The following MCTP2 variants were observed in gnomAD, a reference collection of about 807,000 sequenced individuals.
The protein encoded by MCTP2 is multiple C2 and transmembrane domain containing 2, also known as multiple C2 and transmembrane domain-containing protein 2.
A neutral mutation model predicts 111.6 loss-of-function variants in MCTP2; 132 were observed. The ratio of observed to expected loss-of-function variants is 1.18; its 90% CI spans 1.03 to 1.37. The LOEUF (loss-of-function observed/expected upper bound fraction) is 1.37. MCTP2 is among the 40% of genes most tolerant of loss of function. The pLI is 0.00. For synonymous variants in MCTP2, 395 were observed against 387.7 expected, an observed-to-expected ratio of 1.02 and a Z score of -0.22; for missense variants, 1,183 against 1,067.9, an observed-to-expected ratio of 1.11 and a Z score of -1.50.
intron 1 of MCTP2, among the ~76,000 whole-genome samples, chr15:94,237,440 A>ATTTT (rs34291691): frequency 6.8e-6 from 1 of 146,150 alleles, no homozygotes; most frequent in Non-Finnish European, 1.5e-5. Context: ...CTAAACTCGG[A>ATTTT]TTTTTTTTTT....
chr15:94,372,233 A>C (rs1265284399), intron 12 of MCTP2, among the ~76,000 whole-genome samples: 1 of 152,224 alleles, frequency 6.6e-6, no homozygotes, highest in Non-Finnish European at 1.5e-5. Flanking sequence ...TGTATTTATG[A>C]GAAAATTCTT....
rs776551679 is a variant in MCTP2, at chr15:94,367,623, G to A, written c.1320G>A (p.Ser440=). The A allele has an allele frequency of 9.9e-6, 16 of 1,610,472 alleles. No homozygotes were observed. Among genetic ancestry groups the A allele is most frequent in the South Asian group, 2.2e-5 (2 of 90,826 alleles). The change falls in exon 11 of 23, where the codon TCG becomes TCA. Residue 440 remains serine, a synonymous_variant. Transcript: ENST00000357742. ...TTTCTAGGTGTAAAGTGGATATCTC[G>A]GCACTCCCTCTGAAGCAAGCCAACT... The part of the protein sequence containing the change: ...ERLGTCKVDI[S]ALPLKQANCL...
intron 18 of MCTP2, among the ~76,000 whole-genome samples, chr15:94,441,771 C>G (rs1258939025): frequency 6.6e-6 from 1 of 152,194 alleles, no homozygotes; most frequent in African/African-American, 2.4e-5. Context: ...ATGTCCCAAG[C>G]TAAAGACTTC....
At chr15:94,394,123 A>G (rs1406093057) in intron 14 of MCTP2, among the ~76,000 whole-genome samples, 1 of 152,030 alleles carries the variant, frequency 6.6e-6, no homozygotes, top group Non-Finnish European at 1.5e-5. Context: ...GATTTATTCA[A>G]TTATGATCAT....
chr15:94,276,900 G>A (rs1470818162), intron 1 of MCTP2, among the ~76,000 whole-genome samples: 3 of 141,258 alleles, frequency 2.1e-5, no homozygotes, highest in Admixed American at 7.1e-5. Context: ...GGAATATTAC[G>A]AGGATGGTTA....
intron 17 of MCTP2, among the ~76,000 whole-genome samples, chr15:94,419,354 G>T (rs2082517837): frequency 6.6e-6 from 1 of 152,078 alleles, no homozygotes; most frequent in Admixed American, 6.6e-5. Context: ...AAAACAAATG[G>T]TTAAAGAATT....
At chr15:94,337,508 A>G (rs1002495684) in intron 4 of MCTP2, among the ~76,000 whole-genome samples, 5 of 148,596 alleles carry the variant, frequency 3.4e-5, no homozygotes, top group African/African-American at 5.0e-5. Context: ...TTTTATATAT[A>G]TATATCAGAA....
intron 1 of MCTP2, among the ~76,000 whole-genome samples, chr15:94,286,004 C>G (rs193176362): frequency 1.3e-5 from 2 of 152,232 alleles, no homozygotes; most frequent in Admixed American, 1.3e-4. Flanking sequence ...AAATGATTCT[C>G]CACCTGTAAT....
chr15:94,242,959 ACG>A (rs1491260644), intron 1 of MCTP2, among the ~76,000 whole-genome samples: 6 of 110,428 alleles, frequency 5.4e-5, no homozygotes, highest in African/African-American at 2.1e-4. Context: ...ACACATATAC[ACG>A]TGTATATGTG....
chr15:94,409,135 C>A (rs1191638393), intron 17 of MCTP2, among the ~76,000 whole-genome samples: 1 of 152,090 alleles, frequency 6.6e-6, no homozygotes, highest in Non-Finnish European at 1.5e-5. Flanking sequence ...GCAGACCCAC[C>A]CTTAATCTGG....
chr15:94,399,051 A>G lies in MCTP2; in HGVS notation c.1879A>G (p.Ile627Val). Residue 627 changes from isoleucine to valine, a missense_variant, in exon 15 of 23, where the codon ATA (isoleucine) becomes GTA (valine). Ile to Val is a conservative substitution (Grantham distance 29). Coordinates refer to ENST00000357742, the MANE Select transcript of MCTP2 (RefSeq NM_001385001.1). Reference protein sequence around the residue: ...KGVIYLEMDLIYNPVKASIRT... With the variant: ...KGVIYLEMDLVYNPVKASIRT... The stretch of plus-strand genomic sequence containing the variant: ...AGTTATTTACTTAGAGATGGACCTT[A>G]TATATAATCCGGTAAGTCTAGCTGG... 6.7e-7 allele frequency: 1 copy of G among 1,488,012 alleles called. No individual in the cohort carries two copies. Among genetic ancestry groups the G allele is most frequent in the Non-Finnish European group, 9.4e-7 (1 of 1,065,642 alleles). 92.2% of individuals were successfully genotyped at this position (1,488,012 alleles called of 1,614,324 possible). A position where few individuals can be genotyped will look rare whatever the true frequency, so the allele number is the denominator to read the frequency against.
intron 20 of MCTP2, among the ~76,000 whole-genome samples, chr15:94,466,321 G>A (rs1487412859): frequency 1.3e-5 from 2 of 152,056 alleles, no homozygotes; most frequent in African/African-American, 4.8e-5. Flanking sequence ...TTTTCATGTG[G>A]AGAGTACTCA....
At chr15:94,460,846 A>G (rs1212082324) in intron 20 of MCTP2, among the ~76,000 whole-genome samples, 1 of 152,232 alleles carries the variant, frequency 6.6e-6, no homozygotes, top group Non-Finnish European at 1.5e-5. Flanking sequence ...ATTCATTATT[A>G]CAATGACCTT....
chr15:94,440,057 G>C, intron 17 of MCTP2, 119 bp from the exon 18 acceptor site: 1 of 1,174,112 alleles, frequency 8.5e-7, no homozygotes, highest in African/African-American at 1.5e-5. Flanking sequence ...GTTTGGAAAT[G>C]TTTCTGAATG....
intron 14 of MCTP2, among the ~76,000 whole-genome samples, chr15:94,398,481 C>A (rs1023632075): frequency 2.0e-5 from 3 of 152,214 alleles, no homozygotes; most frequent in Middle Eastern, 6.8e-3. Context: ...AACTCTGATC[C>A]CTATTTGGAT....
chr15:94,282,030 C>T (rs904203618), intron 1 of MCTP2, among the ~76,000 whole-genome samples: 2 of 152,072 alleles, frequency 1.3e-5, no homozygotes, highest in African/African-American at 4.8e-5. Flanking sequence ...TGAAAGTCAT[C>T]TTGTATAGTA....
chr15:94,477,160 G>A (rs1326771627), intron 22 of MCTP2, among the ~76,000 whole-genome samples: 1 of 152,022 alleles, frequency 6.6e-6, no homozygotes, highest in South Asian at 2.1e-4. Flanking sequence ...TCTTCCGGGT[G>A]GCAAGCATTT....
intron 17 of MCTP2, among the ~76,000 whole-genome samples, chr15:94,411,927 A>C (rs1012174579): frequency 2.0e-5 from 3 of 152,140 alleles, no homozygotes; most frequent in African/African-American, 7.2e-5. Context: ...AAGCTCTTTA[A>C]AATTTCTGTT....
intron 5 of MCTP2, 89 bp downstream of exon 5, chr15:94,339,521 ATTAATTCT>A: frequency 9.4e-7 from 1 of 1,064,194 alleles, no homozygotes; most frequent in Non-Finnish European, 1.3e-6. Context: ...ACTTGCCAAA[ATTAATTCT>A]TTTATTAGGA....
Sources: allele counts gnomAD v4.1 joint callset (sites outside exome capture counted in the v4.1 genomes callset), GRCh38; gene constraint gnomAD v4.1.1; transcripts MANE v1.5; gene names NCBI Gene and HGNC (gene_info 2026-07-23, HGNC 2026-07-21).